USH2A: variants seen among roughly 807,000 people sequenced by gnomAD.
The protein encoded by USH2A is usherin.
Under a neutral mutation model 538.9 loss-of-function variants are expected in USH2A, and 443 were observed. The observed-to-expected ratio is 0.82, with a 90% CI of 0.76 to 0.89. The LOEUF is 0.89. USH2A is among the 40% of genes least tolerant of loss of function. The pLI, the probability that USH2A is intolerant of heterozygous loss-of-function variation, is 0.00. For missense variants in USH2A, 6,633 were observed against 6,324.8 expected (o/e 1.05, Z -1.65); for synonymous variants, 2,413 against 2,273.5 (o/e 1.06, Z -1.75).
chr1:216,277,669 G>A (rs114049866), intron 11 of USH2A, among the ~76,000 whole-genome samples: 4,282 of 152,202 alleles, frequency 0.028, 91 homozygotes, highest in Non-Finnish European at 0.044. Context: ...AAATGTAGCT[G>A]CAAAGTGGTT....
intron 4 of USH2A, among the ~76,000 whole-genome samples, chr1:216,336,311 TG>T (rs1212871925): frequency 6.6e-6 from 1 of 151,332 alleles, no homozygotes; most frequent in Non-Finnish European, 1.5e-5. Context: ...TATTTAGTGG[TG>T]AAAAAATGCT....
intron 5 of USH2A, among the ~76,000 whole-genome samples, chr1:216,327,001 T>A (rs1331678231): frequency 6.6e-6 from 1 of 152,146 alleles, no homozygotes; most frequent in African/African-American, 2.4e-5. Flanking sequence ...TAAGAAGCCC[T>A]AAGAAAGATT....
At chr1:216,124,517 TACA>T (rs1225139342) in intron 21 of USH2A, among the ~76,000 whole-genome samples, 3 of 151,470 alleles carry the variant, frequency 2.0e-5, no homozygotes, top group Non-Finnish European at 4.4e-5. Context: ...CAGATAGAAA[TACA>T]ACAAGACAAA....
rs562765406 is a variant in USH2A, at chr1:216,023,169, CTATCTA to C, written c.6326-22613_6326-22608del. 6.8e-4 allele frequency among the ~76,000 whole-genome samples: 103 copies of C among 152,066 alleles called. 1 individual carries two copies. The highest frequency in any genetic ancestry group is 2.6e-3 in the Admixed American group (39 of 15,236). On this transcript the variant is annotated intron_variant, in intron 32 of 71. Transcript: ENST00000307340. ...GGATCTAGGAAAATTCAAGATAAAT[CTATCTA>C]TATCTATATCTATATATCTACCTGA... is the stretch of plus-strand genomic sequence containing the variant.
At chr1:216,235,710 A>G (rs1456612148) in intron 13 of USH2A, among the ~76,000 whole-genome samples, 4 of 152,210 alleles carry the variant, frequency 2.6e-5, no homozygotes, top group Non-Finnish European at 4.4e-5. Flanking sequence ...AGGACCATGA[A>G]CAACTAGGCT....
At position 215,796,348 on chromosome 1, in the gene USH2A, C is replaced by T. The variant is rs1430938355; in HGVS notation, c.9958+2559G>A. On this transcript the variant is annotated intron_variant, in intron 50 of 71. Transcript: ENST00000307340. ...ATTTTCCAATAGCACGTGTTCGCTTCGTGTCTCTGTCACATTTTGATGATT... is the reference window on the plus strand; with the variant it reads ...ATTTTCCAATAGCACGTGTTCGCTTTGTGTCTCTGTCACATTTTGATGATT... Among the ~76,000 whole-genome samples, 3 of 152,152 alleles carry T rather than the reference C, an allele frequency of 2.0e-5. No individual in the cohort carries two copies. In the East Asian group the frequency reaches 5.8e-4, roughly 29 times the overall value.
intron 21 of USH2A, among the ~76,000 whole-genome samples, chr1:216,098,881 G>C (rs763145827): frequency 1.3e-5 from 2 of 152,170 alleles, no homozygotes; most frequent in Non-Finnish European, 2.9e-5. Context: ...GATTTGGCGG[G>C]AATTGTACAA....
chr1:216,232,444 C>G lies in USH2A; in HGVS notation c.2810-308G>C, dbSNP rs376346099. Among the ~76,000 whole-genome samples the G allele has an allele frequency of 9.9e-5, 15 of 152,238 alleles. 1 individual carries two copies. The highest frequency in any genetic ancestry group is 3.9e-4 in the Admixed American group (6 of 15,278). On this transcript the variant is annotated intron_variant, in intron 13 of 71. Transcript: ENST00000307340. ...TCAGCTCCATTCCAACAGATATTAC[C>G]AGTCATTCAGTTGCTTTGCCTAGAA...
At chr1:215,676,322 CTTA>C (rs1228802081) in intron 62 of USH2A, among the ~76,000 whole-genome samples, 1 of 152,092 alleles carries the variant, frequency 6.6e-6, no homozygotes, top group Non-Finnish European at 1.5e-5. Flanking sequence ...CATCTGAATG[CTTA>C]TTATACTGTA....
chr1:216,145,156 T>A (rs549042038), intron 21 of USH2A, among the ~76,000 whole-genome samples: 1 of 152,138 alleles, frequency 6.6e-6, no homozygotes, highest in Non-Finnish European at 1.5e-5. Context: ...TGTCTCTCAT[T>A]TCAATTAATT....
chr1:216,284,841 C>T (rs886803109), intron 11 of USH2A, among the ~76,000 whole-genome samples: 3 of 152,114 alleles, frequency 2.0e-5, no homozygotes, highest in African/African-American at 7.2e-5. Context: ...GTGGTCTCAG[C>T]TGGAGATAAG....
chr1:216,412,787 T>A (rs2102775515), intron 3 of USH2A, among the ~76,000 whole-genome samples: 1 of 152,076 alleles, frequency 6.6e-6, no homozygotes, highest in African/African-American at 2.4e-5. Flanking sequence ...GGCAAGTTAT[T>A]ACTTTTAGTT....
At chr1:216,000,304 A>G in intron 33 of USH2A, 99 bp downstream of exon 33, 1 of 1,483,880 alleles carries the variant, frequency 6.7e-7, no homozygotes, top group Non-Finnish European at 9.4e-7. Context: ...GCATTTAATC[A>G]CAATAAAATT....
At chr1:215,907,730 T>C (rs1298806912) in intron 38 of USH2A, among the ~76,000 whole-genome samples, 3 of 152,012 alleles carry the variant, frequency 2.0e-5, no homozygotes, top group African/African-American at 7.2e-5. Flanking sequence ...AATGTATACA[T>C]AGTCTTAAAG....
chr1:215,764,474 T>C (rs147095870), intron 56 of USH2A, among the ~76,000 whole-genome samples: 355 of 152,282 alleles, frequency 2.3e-3, no homozygotes, highest in African/African-American at 8.3e-3. Context: ...GTTATTTGAC[T>C]AAAGGTACAG....
intron 3 of USH2A, among the ~76,000 whole-genome samples, chr1:216,386,529 A>G (rs1436098982): frequency 1.1e-5 from 1 of 94,284 alleles, no homozygotes; most frequent in African/African-American, 4.0e-5. Flanking sequence ...ACAAAAAACA[A>G]AAACCAAAAA....
chr1:215,831,650 G>T (rs1663318212), intron 47 of USH2A, among the ~76,000 whole-genome samples: 2 of 152,120 alleles, frequency 1.3e-5, no homozygotes, highest in East Asian at 3.9e-4. Flanking sequence ...AATATATTTT[G>T]AATAAATGAA....
rs2037765180 is a variant in USH2A at position 216,327,770 on chromosome 1, C to G, written c.785-116G>C. On this transcript the variant is annotated intron_variant, in intron 4 of 71. Transcript: ENST00000307340. ...TAAGGTTAAAAAGATATTTATGTCA[C>G]TGCCCTTTGAAACTTTTACAGATCA... The G allele has an allele frequency of 3.1e-6, 4 of 1,278,582 alleles. No individual in the cohort carries two copies. In the Admixed American group the frequency reaches 7.1e-5, roughly 23 times the overall value. 79.2% of individuals were successfully genotyped at this position (1,278,582 alleles called of 1,614,324 possible). A position where few individuals can be genotyped will look rare whatever the true frequency, so the allele number is the denominator to read the frequency against.
At chr1:216,385,146 A>G (rs2038985648) in intron 3 of USH2A, among the ~76,000 whole-genome samples, 1 of 152,194 alleles carries the variant, frequency 6.6e-6, no homozygotes, top group African/African-American at 2.4e-5. Context: ...CATGAGCTTT[A>G]AAGGAAACAT....
Sources: allele counts gnomAD v4.1 joint callset (sites outside exome capture counted in the v4.1 genomes callset), GRCh38; gene constraint gnomAD v4.1.1; transcripts MANE v1.5; gene names NCBI Gene and HGNC (gene_info 2026-07-23, HGNC 2026-07-21).